Variants in RIMS2 observed in about 807,000 individuals in gnomAD.
RIMS2 encodes regulating synaptic membrane exocytosis 2, also known as regulating synaptic membrane exocytosis protein 2.
Under a neutral mutation model 174.4 loss-of-function variants are expected in RIMS2, and 59 were observed. The observed-to-expected ratio is 0.34, with a 90% CI of 0.27 to 0.42. RIMS2 has a LOEUF of 0.42. Among genes scored for constraint, RIMS2 ranks in the 10% least tolerant of loss-of-function variants. The pLI is 1.00. For synonymous variants in RIMS2, 606 were observed against 572.5 expected (o/e 1.06, Z -0.84); for missense variants, 1,620 against 1,666.3 (o/e 0.97, Z 0.48).
intron 3 of RIMS2, among the ~76,000 whole-genome samples, chr8:103,792,527 C>T (rs2098509238): frequency 6.6e-6 from 1 of 151,590 alleles, no homozygotes; most frequent in Non-Finnish European, 1.5e-5. Flanking sequence ...GAAACAAGAG[C>T]AAACACACTC....
At chr8:103,988,694 A>G (rs2094510859) in intron 16 of RIMS2, among the ~76,000 whole-genome samples, 1 of 152,054 alleles carries the variant, frequency 6.6e-6, no homozygotes, top group Admixed American at 6.6e-5. Context: ...TCCCGACCTC[A>G]CGTGATCTGC....
chr8:103,506,614 A>G (rs1368656309), intron 1 of RIMS2, among the ~76,000 whole-genome samples: 2 of 152,212 alleles, frequency 1.3e-5, no homozygotes, highest in African/African-American at 4.8e-5. Context: ...GTAGTGGTGC[A>G]ATAAATAATC....
chr8:103,790,740 C>G (rs2098489379), intron 3 of RIMS2, among the ~76,000 whole-genome samples: 1 of 151,986 alleles, frequency 6.6e-6, no homozygotes, highest in African/African-American at 2.4e-5. Context: ...CAAATCAAAT[C>G]CTTTGTTGGG....
chr8:103,981,346 T>C (rs2093889477), intron 16 of RIMS2, among the ~76,000 whole-genome samples: 1 of 152,174 alleles, frequency 6.6e-6, no homozygotes, highest in Admixed American at 6.5e-5. Flanking sequence ...GTGGTACCTC[T>C]ATGAGTCTGC....
At chr8:103,551,898 T>C (rs1431096974) in intron 1 of RIMS2, among the ~76,000 whole-genome samples, 1 of 152,116 alleles carries the variant, frequency 6.6e-6, no homozygotes, top group Non-Finnish European at 1.5e-5. Context: ...TTACAAGGGA[T>C]GTGAAGGACC....
At chr8:103,637,811 G>C (rs966212607) in intron 1 of RIMS2, among the ~76,000 whole-genome samples, 1 of 147,416 alleles carries the variant, frequency 6.8e-6, no homozygotes, top group Non-Finnish European at 1.5e-5. Flanking sequence ...ATTCAATCTA[G>C]GATAAGTGCA....
At chr8:104,019,784 C>T (rs1012620122) in intron 19 of RIMS2, among the ~76,000 whole-genome samples, 1 of 152,204 alleles carries the variant, frequency 6.6e-6, no homozygotes, top group East Asian at 1.9e-4. Flanking sequence ...TTTAGCTTAG[C>T]TGTTAAGTTA....
At chr8:103,863,196 AT>A (rs1393639716) in intron 3 of RIMS2, among the ~76,000 whole-genome samples, 2 of 151,786 alleles carry the variant, frequency 1.3e-5, no homozygotes, top group Non-Finnish European at 2.9e-5. Flanking sequence ...TTTTGTCAGA[AT>A]TTTTTTTGAC....
At chr8:103,861,827 A>G (rs2099060494) in intron 3 of RIMS2, among the ~76,000 whole-genome samples, 2 of 151,514 alleles carry the variant, frequency 1.3e-5, no homozygotes, top group Admixed American at 1.3e-4. Flanking sequence ...TTAATGGGGT[A>G]GTTTGTTTTT....
intron 19 of RIMS2, among the ~76,000 whole-genome samples, chr8:104,199,125 C>A (rs1185913652): frequency 1.3e-5 from 2 of 152,018 alleles, no homozygotes; most frequent in East Asian, 3.9e-4. Context: ...GCAGTGGCGC[C>A]ATCTCGGCTC....
chr8:104,223,915 C>T (rs2099169329), intron 19 of RIMS2: 2 of 788,114 alleles, frequency 2.5e-6, no homozygotes, highest in East Asian at 5.8e-5. Context: ...CTCTCCGGGA[C>T]TGTGCCGGGG....
chr8:104,100,747 C>A (rs957250970), intron 19 of RIMS2, among the ~76,000 whole-genome samples: 14 of 146,440 alleles, frequency 9.6e-5, no homozygotes, highest in East Asian at 5.9e-4. Context: ...AGTCTGTTGG[C>A]AAGTTCAAGT....
intron 2 of RIMS2, among the ~76,000 whole-genome samples, chr8:103,754,453 T>A (rs185793870): frequency 6.6e-6 from 1 of 152,306 alleles, no homozygotes; most frequent in East Asian, 1.9e-4. Flanking sequence ...GTCCGCTTGG[T>A]GCAGAGCTGA....
chr8:104,220,909 G>A (rs1469296985), intron 19 of RIMS2, among the ~76,000 whole-genome samples: 3 of 152,082 alleles, frequency 2.0e-5, no homozygotes, highest in Non-Finnish European at 4.4e-5. Flanking sequence ...AGCTCAGCTT[G>A]CCAATTTATT....
intron 1 of RIMS2, among the ~76,000 whole-genome samples, chr8:103,693,365 T>C (rs926251911): frequency 2.6e-5 from 4 of 152,208 alleles, no homozygotes; most frequent in Non-Finnish European, 5.9e-5. Flanking sequence ...TCACTTGATC[T>C]TTGGTCCTTA....
chr8:104,067,534 G>C (rs1395551469), intron 19 of RIMS2, among the ~76,000 whole-genome samples: 1 of 151,546 alleles, frequency 6.6e-6, no homozygotes, highest in South Asian at 2.1e-4. Context: ...GGGACTATAA[G>C]CATGTGTCAC....
intron 14 of RIMS2, among the ~76,000 whole-genome samples, chr8:103,950,260 C>T (rs1469503189): frequency 1.3e-5 from 2 of 152,060 alleles, no homozygotes; most frequent in Non-Finnish European, 2.9e-5. Flanking sequence ...GGAATACCAT[C>T]CAGCTCATTT....
At chr8:103,635,895 T>C (rs1416245837) in intron 1 of RIMS2, among the ~76,000 whole-genome samples, 1 of 151,798 alleles carries the variant, frequency 6.6e-6, no homozygotes, top group African/African-American at 2.4e-5. Context: ...TAGATCTCTT[T>C]TGGCTGGAGA....
chr8:104,174,255 T>C (rs1192744549), intron 19 of RIMS2, among the ~76,000 whole-genome samples: 1 of 152,136 alleles, frequency 6.6e-6, no homozygotes, highest in Non-Finnish European at 1.5e-5. Flanking sequence ...CCCTAAAGGA[T>C]CATTTTAACC....
Sources: gnomAD v4.1 joint callset for allele counts (sites outside exome capture counted in the v4.1 genomes callset) on GRCh38, gnomAD v4.1.1 for gene constraint, MANE v1.5 for transcripts, NCBI Gene and HGNC (gene_info 2026-07-23, HGNC 2026-07-21) for gene names.